ESRRG: variants seen among roughly 807,000 people sequenced by gnomAD.
ESRRG encodes the protein estrogen-related receptor gamma.
A neutral mutation model predicts 44.0 loss-of-function variants in ESRRG; 13 were observed. The observed-to-expected ratio is 0.30, with a 90% CI of 0.19 to 0.47. The LOEUF is 0.47. Among genes scored for constraint, ESRRG ranks in the 20% least tolerant of loss-of-function variants. The pLI is 1.00. For synonymous variants in ESRRG, 215 were observed against 214.6 expected, an observed-to-expected ratio of 1.00 and a Z score of -0.02; for missense variants, 395 against 580.6, an observed-to-expected ratio of 0.68 and a Z score of 3.29.
chr1:216,868,006 A>T (rs894622011), intron 2 of ESRRG, among the ~76,000 whole-genome samples: 1 of 151,324 alleles, frequency 6.6e-6, no homozygotes, highest in Non-Finnish European at 1.5e-5. Context: ...ATGGGATACT[A>T]CAGTATGTCA....
At chr1:216,526,604 A>T (rs2047734685) in intron 5 of ESRRG, among the ~76,000 whole-genome samples, 2 of 152,146 alleles carry the variant, frequency 1.3e-5, no homozygotes, top group Non-Finnish European at 2.9e-5. Flanking sequence ...TATGTCACCC[A>T]GTCTTTGGTA....
intron 1 of ESRRG, among the ~76,000 whole-genome samples, chr1:217,111,139 A>T (rs1033688486): frequency 6.6e-6 from 1 of 152,224 alleles, no homozygotes; most frequent in Non-Finnish European, 1.5e-5. Context: ...CAGGTCAGAC[A>T]CTGGGGACCA....
In ESRRG at chr1:216,723,399, C is replaced by A; in HGVS notation, c.-100G>T. On this transcript the variant is annotated 5_prime_UTR_variant, in exon 1 of 7. In the 5' UTR this introduces an upstream ATG that the reference lacks. Transcript: ENST00000408911. Reference sequence around the variant, plus strand: ...CACAAATGTTCTCCTAGTGACAAGCCTATAGGCACAGCCAGTTGGGACCAA... The same window carrying A: ...CACAAATGTTCTCCTAGTGACAAGCATATAGGCACAGCCAGTTGGGACCAA... The A allele has an allele frequency of 8.8e-7, 1 of 1,130,048 alleles. No homozygotes were observed. The allele number at this position is 1,130,048 out of a possible 1,614,324, so 70.0% of individuals were successfully genotyped here.
rs568958008 is a variant in ESRRG at position 217,121,296 on chromosome 1, C to T, written c.-230+16371G>A. Among the ~76,000 whole-genome samples, 26 of 152,176 alleles carry T rather than the reference C, an allele frequency of 1.7e-4. 1 individual carries two copies. In the South Asian group the frequency reaches 4.4e-3, roughly 25 times the overall value. On this transcript the variant is annotated intron_variant, in intron 1 of 8. Coordinates refer to the ESRRG transcript ENST00000366940. ...GTCAGAAATGAGGCTGGAGAGATTC[C>T]GGGACTAAACCACAGAGGAACTTTT...
intron 1 of ESRRG, among the ~76,000 whole-genome samples, chr1:217,030,336 G>A (rs375825881): frequency 1.3e-5 from 2 of 152,060 alleles, no homozygotes; most frequent in African/African-American, 4.8e-5. Flanking sequence ...CCACGCATGG[G>A]ATAAACAGAC....
intron 2 of ESRRG, among the ~76,000 whole-genome samples, chr1:216,767,368 T>G (rs2093136403): frequency 6.6e-6 from 1 of 152,144 alleles, no homozygotes; most frequent in African/African-American, 2.4e-5. Flanking sequence ...GGGGGATTTT[T>G]GAGCCTACGG....
intron 2 of ESRRG, among the ~76,000 whole-genome samples, chr1:216,848,949 C>T (rs1391899067): frequency 6.6e-6 from 1 of 151,742 alleles, no homozygotes; most frequent in Admixed American, 6.6e-5. Flanking sequence ...GTATTTTTTC[C>T]TCCTGGCGTA....
In ESRRG at chr1:217,088,398, C is replaced by CTTTTTTTTTTTTTTTTTTTTTT. The variant is rs71585811; in HGVS notation, c.-106+1087_-106+1108dup. Among the ~76,000 whole-genome samples the CTTTTTTTTTTTTTTTTTTTTTT allele has an allele frequency of 3.3e-5, 2 of 59,738 alleles. 1 individual carries two copies. The highest frequency in any genetic ancestry group is 1.5e-4 in the African/African-American group (2 of 13,768). 39.2% of individuals were successfully genotyped at this position (59,738 alleles called of 152,430 possible). ...TGCTGAGAATTTCTTTTTTTCCTGTCTTTTTTTTTTTTTTTTTTTTTTTTT... is the reference window on the plus strand; with the variant it reads ...TGCTGAGAATTTCTTTTTTTCCTGTCTTTTTTTTTTTTTTTTTTTTTTTTTTTTTTTTTTTTTTTTTTTTTTT... On this transcript the variant is annotated intron_variant, in intron 1 of 7. Transcript: ENST00000359162.
chr1:216,585,141 C>A (rs2063526589), intron 3 of ESRRG, among the ~76,000 whole-genome samples: 1 of 151,998 alleles, frequency 6.6e-6, no homozygotes. Flanking sequence ...AAAAAAAAAT[C>A]ACCTACAGAA....
chr1:216,512,832 G>T (rs2043112065), intron 6 of ESRRG, among the ~76,000 whole-genome samples: 1 of 152,134 alleles, frequency 6.6e-6, no homozygotes, highest in Non-Finnish European at 1.5e-5. Context: ...ATTCAGGTGG[G>T]CCCTCAATGA....
intron 1 of ESRRG, among the ~76,000 whole-genome samples, chr1:217,053,823 T>A (rs1378164991): frequency 6.6e-6 from 1 of 151,902 alleles, no homozygotes; most frequent in African/African-American, 2.4e-5. Context: ...GGGGGCAACA[T>A]GGGAAGAAGG....
intron 2 of ESRRG, among the ~76,000 whole-genome samples, chr1:216,888,528 T>C (rs2057352099): frequency 1.3e-5 from 2 of 152,230 alleles, no homozygotes. Flanking sequence ...TTCATTTCTT[T>C]CAGCATGTCC....
upstream of ESRRG, among the ~76,000 whole-genome samples, chr1:217,093,410 G>A (rs139449256): frequency 3.3e-5 from 5 of 151,974 alleles, no homozygotes; most frequent in African/African-American, 1.2e-4. Context: ...GAGAGCTCAG[G>A]TAAAGTTAGA....
At chr1:217,010,118 G>A (rs2150773701) in intron 1 of ESRRG, among the ~76,000 whole-genome samples, 2 of 152,172 alleles carry the variant, frequency 1.3e-5, no homozygotes, top group Middle Eastern at 3.4e-3. Flanking sequence ...TTTCACTGTA[G>A]GGGGAAACAT....
intron 2 of ESRRG, among the ~76,000 whole-genome samples, chr1:216,753,707 A>C (rs962039587): frequency 2.6e-5 from 4 of 152,230 alleles, no homozygotes; most frequent in Admixed American, 2.6e-4. Flanking sequence ...GGTATAGTCC[A>C]AATAAACTTA....
Position 216,822,428 on chromosome 1 carries a change from T to C in ESRRG, c.-14+117154A>G, listed in dbSNP as rs541061824. On this transcript the variant is annotated intron_variant, in intron 2 of 7. Coordinates refer to the ESRRG transcript ENST00000359162. ...CCAACAACCAAAGAAAATTTATCTC[T>C]TGAAAACAAATAATGGCATCAAGGT... 2.0e-5 allele frequency among the ~76,000 whole-genome samples: 3 copies of C among 152,316 alleles called. No individual in the cohort carries two copies. The East Asian group carries it at 5.8e-4, about 29-fold the overall frequency.
chr1:216,723,388 T>C lies in ESRRG; in HGVS notation c.-89A>G, dbSNP rs534718443. The C allele has an allele frequency of 1.0e-5, 13 of 1,272,278 alleles. No homozygotes were observed. Among genetic ancestry groups the C allele is most frequent in the Admixed American group, 1.7e-5 (1 of 58,766 alleles). The allele number at this position is 1,272,278 out of a possible 1,614,324, so 78.8% of individuals were successfully genotyped here. ...AGTGCAATTAACACAAATGTTCTCC[T>C]AGTGACAAGCCTATAGGCACAGCCA... On this transcript the variant is annotated 5_prime_UTR_variant, in exon 1 of 7. Coordinates refer to ENST00000408911, the MANE Select transcript of ESRRG (RefSeq NM_001438.4).
At chr1:217,087,672 C>G (rs1023215056) in intron 1 of ESRRG, among the ~76,000 whole-genome samples, 1 of 152,104 alleles carries the variant, frequency 6.6e-6, no homozygotes, top group Non-Finnish European at 1.5e-5. Context: ...CATTCATCAC[C>G]CCAGTCAATG....
intron 2 of ESRRG, among the ~76,000 whole-genome samples, chr1:216,675,366 G>GA (rs942618056): frequency 1.0e-3 from 149 of 143,010 alleles, no homozygotes; most frequent in African/African-American, 3.0e-3. Flanking sequence ...GCCTCAAAAA[G>GA]AAAAAAAAAA....
Sources: gnomAD v4.1 joint callset for allele counts (sites outside exome capture counted in the v4.1 genomes callset) on GRCh38, gnomAD v4.1.1 for gene constraint, MANE v1.5 for transcripts, NCBI Gene and HGNC (gene_info 2026-07-23, HGNC 2026-07-21) for gene names.